Variants in LRRTM4 observed in about 807,000 individuals in gnomAD.
LRRTM4 encodes leucine rich repeat transmembrane neuronal 4.
A neutral mutation model predicts 47.6 loss-of-function variants in LRRTM4; 25 were observed. The observed-to-expected ratio is 0.53, with a 90% CI of 0.38 to 0.73. The LOEUF (loss-of-function observed/expected upper bound fraction) is 0.73. Among genes scored for constraint, LRRTM4 ranks in the 30% least tolerant of loss-of-function variants. The probability of loss-of-function intolerance (pLI) is 0.00; values close to 1 mark genes in which losing one functional copy is unlikely to be tolerated. For missense variants in LRRTM4, 638 were observed against 713.4 expected (o/e 0.89, Z 1.20); for synonymous variants, 311 against 269.5 (o/e 1.15, Z -1.51).
intron 3 of LRRTM4, among the ~76,000 whole-genome samples, chr2:76,830,617 A>C (rs1249636713): frequency 6.6e-6 from 1 of 151,650 alleles, no homozygotes; most frequent in East Asian, 1.9e-4. Flanking sequence ...TTAGTTTCTG[A>C]AATTTTAAGA....
rs1051104244 is a variant in LRRTM4 at position 76,795,065 on chromosome 2, T to A, written c.1552-46149A>T. 3.3e-5 allele frequency among the ~76,000 whole-genome samples: 5 copies of A among 151,732 alleles called. No individual in the cohort carries two copies. In the East Asian group the frequency reaches 5.8e-4, roughly 18 times the overall value. On this transcript the variant is annotated intron_variant, in intron 3 of 3. Transcript: ENST00000409884. ...CTGTATGGCAGATAGTAAGCTAAAGTAAAAATACCTTTAACATAGACGGCA... is the reference window on the plus strand; with the variant it reads ...CTGTATGGCAGATAGTAAGCTAAAGAAAAAATACCTTTAACATAGACGGCA...
At chr2:76,975,349 A>G (rs1423841559) in intron 3 of LRRTM4, among the ~76,000 whole-genome samples, 1 of 151,752 alleles carries the variant, frequency 6.6e-6, no homozygotes, top group African/African-American at 2.4e-5. Flanking sequence ...GGATTTGAAA[A>G]CAAAATCTTA....
intron 3 of LRRTM4, among the ~76,000 whole-genome samples, chr2:77,386,700 C>G (rs1673290994): frequency 6.6e-6 from 1 of 152,070 alleles, no homozygotes. Flanking sequence ...GAAAACCAAA[C>G]ACCGCATGTT....
intron 3 of LRRTM4, among the ~76,000 whole-genome samples, chr2:76,880,465 T>TA (rs1672898190): frequency 2.0e-5 from 3 of 152,288 alleles, no homozygotes; most frequent in African/African-American, 7.2e-5. Context: ...GACATACTAC[T>TA]ATTATGTACT....
chr2:77,172,834 A>T (rs1673087644), intron 3 of LRRTM4, among the ~76,000 whole-genome samples: 1 of 152,186 alleles, frequency 6.6e-6, no homozygotes, highest in South Asian at 2.1e-4. Context: ...AAGTGGGGTT[A>T]CAGCTTAGTA....
At chr2:77,191,783 T>C (rs2103879986) in intron 3 of LRRTM4, among the ~76,000 whole-genome samples, 1 of 152,206 alleles carries the variant, frequency 6.6e-6, no homozygotes, top group African/African-American at 2.4e-5. Flanking sequence ...AAATTTTTAG[T>C]ACTGGAGTAC....
At chr2:76,940,615 G>C (rs1573343654) in intron 3 of LRRTM4, among the ~76,000 whole-genome samples, 1 of 152,062 alleles carries the variant, frequency 6.6e-6, no homozygotes, top group African/African-American at 2.4e-5. Flanking sequence ...GAACAAACAG[G>C]CACATGTACC....
chr2:77,137,229 G>A (rs1671971727), intron 3 of LRRTM4, among the ~76,000 whole-genome samples: 1 of 151,866 alleles, frequency 6.6e-6, no homozygotes, highest in African/African-American at 2.4e-5. Flanking sequence ...CAGAAAGAAA[G>A]CTTGGGTTAT....
chr2:77,395,482 C>T (rs17014049), intron 3 of LRRTM4, among the ~76,000 whole-genome samples: 4,935 of 151,976 alleles, frequency 0.032, 278 homozygotes, highest in African/African-American at 0.11. Context: ...CCCAAAGTAG[C>T]CAGTGCTTGA....
At chr2:76,903,061 A>C (rs902883790) in intron 3 of LRRTM4, among the ~76,000 whole-genome samples, 1 of 152,128 alleles carries the variant, frequency 6.6e-6, no homozygotes, top group Non-Finnish European at 1.5e-5. Context: ...CTTATCTTTC[A>C]ACCAGATTTC....
chr2:76,969,631 A>C (rs2103936232), intron 3 of LRRTM4, among the ~76,000 whole-genome samples: 1 of 152,104 alleles, frequency 6.6e-6, no homozygotes, highest in East Asian at 1.9e-4. Flanking sequence ...TAACAACAAA[A>C]AAAATGCCAT....
chr2:76,947,909 A>G (rs1488354545), intron 3 of LRRTM4, among the ~76,000 whole-genome samples: 1 of 151,894 alleles, frequency 6.6e-6, no homozygotes, highest in African/African-American at 2.4e-5. Flanking sequence ...CCCAAATCAA[A>G]AAGAAATTAG....
intron 3 of LRRTM4, among the ~76,000 whole-genome samples, chr2:77,266,326 C>T (rs576830538): frequency 6.6e-5 from 10 of 151,980 alleles, no homozygotes; most frequent in Middle Eastern, 3.4e-3. Context: ...AAAACTCAAC[C>T]GTTTATGCAA....
At chr2:77,073,667 G>T (rs143281732) in intron 3 of LRRTM4, among the ~76,000 whole-genome samples, 1 of 152,092 alleles carries the variant, frequency 6.6e-6, no homozygotes, top group East Asian at 1.9e-4. Context: ...AAAAATATGG[G>T]TATAATGAGT....
At chr2:77,466,919 G>A (rs946026700) in intron 3 of LRRTM4, among the ~76,000 whole-genome samples, 6 of 151,790 alleles carry the variant, frequency 4.0e-5, no homozygotes, top group South Asian at 2.1e-4. Flanking sequence ...GGCTGGTCTC[G>A]AACTCCTGAC....
At chr2:77,143,678 T>C (rs1037462755) in intron 3 of LRRTM4, among the ~76,000 whole-genome samples, 10 of 152,210 alleles carry the variant, frequency 6.6e-5, no homozygotes, top group African/African-American at 2.4e-4. Context: ...CTGCAAGATA[T>C]GCATATGAAG....
At chr2:77,094,991 C>T (rs533621362) in intron 3 of LRRTM4, among the ~76,000 whole-genome samples, 1 of 152,168 alleles carries the variant, frequency 6.6e-6, no homozygotes, top group Admixed American at 6.5e-5. Flanking sequence ...GAAGAGACAA[C>T]CATAGATTGG....
intron 3 of LRRTM4, among the ~76,000 whole-genome samples, chr2:76,870,623 T>C (rs115787869): frequency 0.012 from 1,805 of 152,238 alleles, 37 homozygotes; most frequent in African/African-American, 0.041. Flanking sequence ...TTTCCTAATA[T>C]CTCTACAGCT....
At chr2:77,042,306 G>A (rs1679060786) in intron 3 of LRRTM4, among the ~76,000 whole-genome samples, 1 of 151,530 alleles carries the variant, frequency 6.6e-6, no homozygotes, top group Admixed American at 6.6e-5. Context: ...AATCAACACA[G>A]CAGTATGATA....
Sources: gnomAD v4.1 joint callset for allele counts (sites outside exome capture counted in the v4.1 genomes callset) on GRCh38, gnomAD v4.1.1 for gene constraint, MANE v1.5 for transcripts, NCBI Gene and HGNC (gene_info 2026-07-23, HGNC 2026-07-21) for gene names.